The following COPS3 variants were observed in gnomAD, a reference collection of about 807,000 sequenced individuals.
COPS3 encodes COP9 signalosome subunit 3, also known as COP9 signalosome complex subunit 3.
COPS3 carries 10 observed loss-of-function variants against 58.2 expected under a neutral mutation model. The observed-to-expected ratio is 0.17, with a 90% CI of 0.11 to 0.29. The LOEUF (loss-of-function observed/expected upper bound fraction) is 0.29. Ranked by LOEUF, COPS3 falls within the 10% of genes least tolerant of loss-of-function variation. The pLI, the probability that COPS3 is intolerant of heterozygous loss-of-function variation, is 1.00. For missense variants in COPS3, 333 were observed against 510.1 expected (o/e 0.65, Z 3.34); for synonymous variants, 187 against 181.7 (o/e 1.03, Z -0.24).
chr17:17,254,539 C>T (rs1238032428), intron 9 of COPS3, among the ~76,000 whole-genome samples: 3 of 152,110 alleles, frequency 2.0e-5, no homozygotes, highest in Admixed American at 6.5e-5. Context: ...AGGCCAGGCA[C>T]GGTGGCTCAT....
At chr17:17,247,207 G>T in intron 11 of COPS3, 56 bp from the exon 12 acceptor site, 1 of 1,543,270 alleles carries the variant, frequency 6.5e-7, no homozygotes, top group South Asian at 1.1e-5. Flanking sequence ...AGGGTTCCCC[G>T]GCAGCCCAAT....
At chr17:17,249,870 T>G (rs890837906) in intron 9 of COPS3, among the ~76,000 whole-genome samples, 1 of 152,062 alleles carries the variant, frequency 6.6e-6, no homozygotes, top group South Asian at 2.1e-4. Context: ...TCAAGTGATC[T>G]ACCTGCCTCG....
At chr17:17,261,720 T>C in intron 7 of COPS3, 1 of 464,416 alleles carries the variant, frequency 2.2e-6, no homozygotes, top group Admixed American at 3.6e-5. Context: ...AATCAACTGT[T>C]ATAGGAGCTT....
At chr17:17,255,533 T>C (rs1172790172) in intron 8 of COPS3, among the ~76,000 whole-genome samples, 5 of 148,702 alleles carry the variant, frequency 3.4e-5, no homozygotes, top group African/African-American at 1.2e-4. Context: ...CAGAATAGAT[T>C]TGTGTAGATG....
intron 11 of COPS3, 124 bp from the exon 12 acceptor site, chr17:17,247,275 C>G (rs1488099226): frequency 1.9e-6 from 2 of 1,040,964 alleles, no homozygotes; most frequent in African/African-American, 3.1e-5. Context: ...CAAGGGCAGG[C>G]AATTCCAGGA....
chr17:17,247,404 A>G, intron 11 of COPS3, 76 bp downstream of exon 11: 1 of 1,333,476 alleles, frequency 7.5e-7, no homozygotes, highest in East Asian at 2.3e-5. Context: ...CCTGAAACTT[A>G]GTTCCTGTGC....
rs890871553 is a variant in COPS3 at position 17,276,036 on chromosome 17, A to G, written c.184T>C (p.Leu62=). ...QEHSLGVLAV[L]FVKFSMPSVP... ...ACTATAAAAGAAGATGCTCCTTACA[A>G]AACAGCAAGGACGCCCAAGGAGTGT... Residue 62 remains leucine (L), a splice_region_variant and synonymous_variant, in exon 2 of 12, where the codon TTG becomes CTG. Coordinates refer to ENST00000268717, the MANE Select transcript of COPS3 (RefSeq NM_003653.4). 1.2e-6 allele frequency: 2 copies of G among 1,613,122 alleles called. No individual in the cohort carries two copies. The highest frequency in any genetic ancestry group is 1.7e-6 in the Non-Finnish European group (2 of 1,179,428).
intron 9 of COPS3, among the ~76,000 whole-genome samples, chr17:17,253,773 C>T (rs1343178912): frequency 6.6e-6 from 1 of 152,060 alleles, no homozygotes; most frequent in African/African-American, 2.4e-5. Context: ...AGGAAGTAGC[C>T]CTACCTTATA....
chr17:17,265,075 TA>T, intron 5 of COPS3, 94 bp from the exon 6 acceptor site: 1 of 1,107,336 alleles, frequency 9.0e-7, no homozygotes, highest in East Asian at 2.4e-5. Flanking sequence ...AATTTCCAAA[TA>T]ATGTAATTGT....
intron 9 of COPS3, among the ~76,000 whole-genome samples, chr17:17,252,748 T>A (rs746993515): frequency 6.6e-6 from 1 of 152,218 alleles, no homozygotes; most frequent in Non-Finnish European, 1.5e-5. Flanking sequence ...CACTCGCCAC[T>A]GAAGAGGGAA....
intron 9 of COPS3, among the ~76,000 whole-genome samples, chr17:17,249,420 T>C (rs1352023666): frequency 6.6e-6 from 1 of 151,904 alleles, no homozygotes; most frequent in Non-Finnish European, 1.5e-5. Flanking sequence ...ACCTCCGGGG[T>C]TCAAGCAATT....
At chr17:17,254,274 C>A (rs2047913023) in intron 9 of COPS3, among the ~76,000 whole-genome samples, 1 of 147,760 alleles carries the variant, frequency 6.8e-6, no homozygotes, top group South Asian at 2.1e-4. Context: ...CACCACTGCA[C>A]ACCAGCCTGG....
chr17:17,263,070 C>G (rs948800660), intron 6 of COPS3, among the ~76,000 whole-genome samples: 4 of 151,734 alleles, frequency 2.6e-5, no homozygotes, highest in African/African-American at 9.7e-5. Flanking sequence ...GGGCGGATCA[C>G]GAGGTCAGGA....
intron 1 of COPS3, among the ~76,000 whole-genome samples, chr17:17,279,116 C>T (rs914121394): frequency 3.3e-5 from 5 of 152,172 alleles, no homozygotes; most frequent in African/African-American, 1.2e-4. Flanking sequence ...TCAGATGATC[C>T]GCCCGCCTCG....
rs955234252 is a variant in COPS3, at chr17:17,248,919, T to C, written c.1137+7A>G. ...TAAAAAAATAAAAACCTGGCATTCA[T>C]GTTTACCTCCTGATCAATGTTATGA... On this transcript the variant is annotated splice_region_variant and intron_variant, in intron 10 of 11. Coordinates refer to ENST00000268717, the MANE Select transcript of COPS3 (RefSeq NM_003653.4). The C allele has an allele frequency of 2.0e-6, 3 of 1,511,412 alleles. No individual in the cohort carries two copies. The highest frequency in any genetic ancestry group is 2.7e-6 in the Non-Finnish European group (3 of 1,110,818). The allele number at this position is 1,511,412 out of a possible 1,614,324, so 93.6% of individuals were successfully genotyped here.
intron 10 of COPS3, among the ~76,000 whole-genome samples, chr17:17,248,125 A>G (rs1470696379): frequency 1.3e-5 from 2 of 152,104 alleles, no homozygotes; most frequent in African/African-American, 4.8e-5. Context: ...ATAGGGAGAG[A>G]TGTTTCCTAA....
In COPS3 at chr17:17,264,791, A is replaced by G. The variant is rs370778804; in HGVS notation, c.621+11T>C. The G allele has an allele frequency of 2.3e-5, 36 of 1,591,834 alleles. No homozygotes were observed. The highest frequency in any genetic ancestry group is 2.7e-5 in the Non-Finnish European group (32 of 1,172,358). ...TTCAGAACAACCTCAGCTAATTTTTAGAGAGATTACCTGTTCATAAAAGTA... is the reference window on the plus strand; with the variant it reads ...TTCAGAACAACCTCAGCTAATTTTTGGAGAGATTACCTGTTCATAAAAGTA... On this transcript the variant is annotated intron_variant, in intron 6 of 11. Coordinates refer to ENST00000268717, the MANE Select transcript of COPS3 (RefSeq NM_003653.4).
Position 17,267,897 on chromosome 17 carries a change from A to T in COPS3, c.429T>A (p.Ala143=). The change falls in exon 5 of 12, where the codon GCT becomes GCA. Residue 143 remains alanine, a synonymous_variant. Transcript: ENST00000268717. ...MNTNQLTSIH[A]DLCQLCLLAK... ...TTTGGTTGCTTACCTGGCAGAGATC[A>T]GCATGTATTGAGGTCAGCTGGTTTG... 1 of 1,613,900 alleles carries T rather than the reference A, an allele frequency of 6.2e-7. No homozygotes were observed. The highest frequency in any genetic ancestry group is 8.5e-7 in the Non-Finnish European group (1 of 1,179,852).
chr17:17,247,509 T>C lies in COPS3; in HGVS notation c.1189A>G (p.Ile397Val), dbSNP rs1388595361. 1.2e-6 allele frequency: 2 copies of C among 1,614,146 alleles called. No homozygotes were observed. Among genetic ancestry groups the C allele is most frequent in the Non-Finnish European group, 1.7e-6 (2 of 1,180,048 alleles). The part of the protein sequence containing the change: ...DERLKAMDQE[I>V]TVNPQFVQKS... ...TGTACAAACTGAGGGTTCACTGTGA[T>C]CTCCTGGTCCATGGCTTTCAGCCGC... is the stretch of plus-strand genomic sequence containing the variant. Residue 397 changes from isoleucine (I) to valine (V), a missense_variant, in exon 11 of 12, where the codon ATC becomes GTC. Coordinates refer to ENST00000268717, the MANE Select transcript of COPS3 (RefSeq NM_003653.4).
Sources: gnomAD v4.1 joint callset for allele counts (sites outside exome capture counted in the v4.1 genomes callset) on GRCh38, gnomAD v4.1.1 for gene constraint, MANE v1.5 for transcripts, NCBI Gene and HGNC (gene_info 2026-07-23, HGNC 2026-07-21) for gene names.